KCNN3: variants seen among roughly 807,000 people sequenced by gnomAD.
KCNN3 encodes small conductance calcium-activated potassium channel protein 3.
Under a neutral mutation model 62.9 loss-of-function variants are expected in KCNN3, and 16 were observed. The observed-to-expected ratio is 0.25, with a 90% CI of 0.17 to 0.39. The LOEUF (loss-of-function observed/expected upper bound fraction) is 0.39. KCNN3 is among the 10% of genes least tolerant of loss of function. KCNN3 has a pLI of 1.00. For missense variants in KCNN3, 599 were observed against 949.4 expected (o/e 0.63, Z 4.85); for synonymous variants, 370 against 389.2 (o/e 0.95, Z 0.58).
In KCNN3 at chr1:154,726,067, A is replaced by G. The variant is rs1297768144; in HGVS notation, c.1591-41T>C. On this transcript the variant is annotated intron_variant, in intron 4 of 7. Coordinates refer to ENST00000271915, the MANE Select transcript of KCNN3 (RefSeq NM_002249.6). ...AAGAGGACCAGAGGGGAAAGAACAT[A>G]TCATTAAGAGGCAAGATGAGAGACT... 3.4e-6 allele frequency: 5 copies of G among 1,477,184 alleles called. No individual in the cohort carries two copies. The South Asian group carries it at 5.7e-5, about 17-fold the overall frequency. 91.5% of individuals were successfully genotyped at this position (1,477,184 alleles called of 1,614,324 possible).
intron 2 of KCNN3, among the ~76,000 whole-genome samples, chr1:154,794,232 G>A (rs1649633776): frequency 6.6e-6 from 1 of 152,202 alleles, no homozygotes; most frequent in Non-Finnish European, 1.5e-5. Flanking sequence ...AGTCATTTGT[G>A]CAATTATCTG....
intron 1 of KCNN3, among the ~76,000 whole-genome samples, chr1:154,857,781 G>A (rs1558010031): frequency 6.6e-6 from 1 of 152,174 alleles, no homozygotes; most frequent in Admixed American, 6.5e-5. Flanking sequence ...TTGTTGTGAG[G>A]ACTTAATGAG....
At chr1:154,714,352 A>G (rs201026790) in intron 6 of KCNN3, among the ~76,000 whole-genome samples, 58 of 52,092 alleles carry the variant, frequency 1.1e-3, no homozygotes, top group South Asian at 2.5e-3. Flanking sequence ...TGTGGTGTGT[A>G]TGGTGTGTGT....
chr1:154,737,006 G>T (rs944687569), intron 3 of KCNN3: 1 of 701,772 alleles, frequency 1.4e-6, no homozygotes, highest in Middle Eastern at 2.4e-4. Context: ...CAGTGGCTTG[G>T]AGCTTCGTCA....
chr1:154,834,615 C>T (rs1209057339), intron 1 of KCNN3, among the ~76,000 whole-genome samples: 2 of 152,164 alleles, frequency 1.3e-5, no homozygotes, highest in Non-Finnish European at 2.9e-5. Flanking sequence ...AGGAACTCTC[C>T]ACAGATTCAA....
chr1:154,751,605 C>G (rs1435110472), intron 3 of KCNN3, among the ~76,000 whole-genome samples: 1 of 152,098 alleles, frequency 6.6e-6, no homozygotes, highest in African/African-American at 2.4e-5. Flanking sequence ...GTGCCAGTGC[C>G]AAGGCTATTA....
chr1:154,811,287 C>A lies in KCNN3; in HGVS notation c.1029+10802G>T, dbSNP rs1447444766. ...CACCACAAGCCTTGGTGGAGGCACACAAGGCCACACAGAAAATGACAAAAG... is the reference window on the plus strand; with the variant it reads ...CACCACAAGCCTTGGTGGAGGCACAAAAGGCCACACAGAAAATGACAAAAG... On this transcript the variant is annotated intron_variant, in intron 2 of 7. Coordinates refer to ENST00000271915, the MANE Select transcript of KCNN3 (RefSeq NM_002249.6). 2.6e-5 allele frequency among the ~76,000 whole-genome samples: 4 copies of A among 152,038 alleles called. No homozygotes were observed. The East Asian group carries it at 5.8e-4, about 22-fold the overall frequency.
At position 154,699,845 on chromosome 1, in the gene KCNN3, A is replaced by AG. The variant is rs1464382437; in HGVS notation, c.*8130dup. ...GTAGCCTTCCAGAGGACCTGCCCTG[A>AG]GGTTCCACCTGATATTCTGATGGCT... On this transcript the variant is annotated 3_prime_UTR_variant, in exon 8 of 8. Coordinates refer to ENST00000271915, the MANE Select transcript of KCNN3 (RefSeq NM_002249.6). 6.6e-6 allele frequency: 1 copy of AG among 152,110 alleles called. No individual in the cohort carries two copies. Among genetic ancestry groups the AG allele is most frequent in the Non-Finnish European group, 1.5e-5 (1 of 68,030 alleles). The allele number at this position is 152,110 out of a possible 1,614,324, so 9.4% of individuals were successfully genotyped here.
At chr1:154,747,414 C>G (rs1164002183) in intron 3 of KCNN3, among the ~76,000 whole-genome samples, 1 of 152,196 alleles carries the variant, frequency 6.6e-6, no homozygotes, top group Non-Finnish European at 1.5e-5. Flanking sequence ...GGGACGTTCT[C>G]AGCCTCTGCA....
chr1:154,824,414 G>A (rs1213544409), intron 1 of KCNN3, among the ~76,000 whole-genome samples: 1 of 152,202 alleles, frequency 6.6e-6, no homozygotes, highest in Admixed American at 6.5e-5. Context: ...AAAATATTTT[G>A]ATCTTCACAA....
intron 2 of KCNN3, among the ~76,000 whole-genome samples, chr1:154,779,668 G>T (rs554455887): frequency 3.3e-4 from 51 of 152,332 alleles, no homozygotes; most frequent in African/African-American, 1.2e-3. Context: ...TTAATGGGCA[G>T]GGGGGCCGCT....
At chr1:154,804,462 G>T (rs760705302) in intron 2 of KCNN3, among the ~76,000 whole-genome samples, 8 of 152,180 alleles carry the variant, frequency 5.3e-5, no homozygotes, top group Non-Finnish European at 1.0e-4. Context: ...CAGCAACGTG[G>T]TTCCAAGTCA....
chr1:154,826,068 CAA>C lies in KCNN3; in HGVS notation c.934-3886_934-3885del, dbSNP rs1161031775. 0.014 allele frequency among the ~76,000 whole-genome samples: 633 copies of C among 44,972 alleles called. 34 individuals carry two copies. The East Asian group carries it at 0.23, about 16-fold the overall frequency. The allele number at this position is 44,972 out of a possible 152,430, so 29.5% of individuals were successfully genotyped here. A position where few individuals can be genotyped will look rare whatever the true frequency, so the allele number is the denominator to read the frequency against. ...TCTTAAAAAAAAACAAAAACAAAAA[CAA>C]AAACAAAAACAAAAACAAAAAAAAC... is the stretch of plus-strand genomic sequence containing the variant. On this transcript the variant is annotated intron_variant, in intron 1 of 7. Transcript: ENST00000271915.
intron 3 of KCNN3, among the ~76,000 whole-genome samples, chr1:154,760,954 C>G (rs1251798627): frequency 6.6e-6 from 1 of 152,240 alleles, no homozygotes; most frequent in East Asian, 1.9e-4. Context: ...ACGGAACTTG[C>G]ATTGCGCTTG....
chr1:154,738,398 C>T (rs920190031), intron 3 of KCNN3, among the ~76,000 whole-genome samples: 1 of 152,160 alleles, frequency 6.6e-6, no homozygotes, highest in African/African-American at 2.4e-5. Context: ...TCTGAATTGG[C>T]CAAAGTATTA....
intron 2 of KCNN3, among the ~76,000 whole-genome samples, chr1:154,773,234 G>A (rs1648647114): frequency 6.6e-6 from 1 of 152,156 alleles, no homozygotes; most frequent in Non-Finnish European, 1.5e-5. Context: ...CTGCACACAT[G>A]GAGGTCCCTG....
intron 1 of KCNN3, among the ~76,000 whole-genome samples, chr1:154,852,598 T>A (rs372664506): frequency 2.5e-4 from 38 of 152,330 alleles, no homozygotes; most frequent in African/African-American, 9.1e-4. Context: ...GATTGAGATA[T>A]GCTGTGTCAG....
rs1307198813 is a variant in KCNN3 at position 154,870,024 on chromosome 1, C to T, written c.-60G>A. ...CCCCACCCCAAAGCCACCCTCGCTCCAAAGATGTCCTCAAAGAAAGCCAGG... is the reference window on the plus strand; with the variant it reads ...CCCCACCCCAAAGCCACCCTCGCTCTAAAGATGTCCTCAAAGAAAGCCAGG... On this transcript the variant is annotated 5_prime_UTR_variant, in exon 1 of 8. Transcript: ENST00000271915. The T allele has an allele frequency of 6.4e-7, 1 of 1,561,486 alleles. No individual in the cohort carries two copies. The highest frequency in any genetic ancestry group is 1.8e-5 in the Admixed American group (1 of 55,702).
intron 6 of KCNN3, 114 bp from the exon 7 acceptor site, chr1:154,713,647 C>G (rs895834222): frequency 1.6e-5 from 13 of 826,482 alleles, no homozygotes; most frequent in Non-Finnish European, 4.1e-6. Context: ...AGCATGGGGA[C>G]CGTGAACCTG....
Sources: gnomAD v4.1 joint callset for allele counts (sites outside exome capture counted in the v4.1 genomes callset) on GRCh38, gnomAD v4.1.1 for gene constraint, MANE v1.5 for transcripts, NCBI Gene and HGNC (gene_info 2026-07-23, HGNC 2026-07-21) for gene names.